Variants in SLC5A4 observed in about 807,000 individuals in gnomAD.
SLC5A4 encodes solute carrier family 5 member 4, also known as probable glucose sensor protein SLC5A4.
A neutral mutation model predicts 70.3 loss-of-function variants in SLC5A4; 55 were observed. That is an observed-to-expected ratio of 0.78 (90% confidence interval 0.63 to 0.98). The LOEUF is 0.98. SLC5A4 is among the 50% of genes least tolerant of loss of function. The probability of loss-of-function intolerance (pLI) is 0.00; values close to 1 mark genes in which losing one functional copy is unlikely to be tolerated. For synonymous variants in SLC5A4, 268 were observed against 305.7 expected (o/e 0.88, Z 1.29); for missense variants, 735 against 839.2 (o/e 0.88, Z 1.53).
chr22:32,331,006 T>G, the SLC5A4 span, among the ~76,000 whole-genome samples: 6 of 24,722 alleles, frequency 2.4e-4, no homozygotes, highest in African/African-American at 3.2e-4. Flanking sequence ...GTGTGTGTGT[T>G]GGGGGCTCTG....
chr22:32,335,498 C>A, the SLC5A4 span, among the ~76,000 whole-genome samples: 1 of 152,144 alleles, frequency 6.6e-6, no homozygotes, highest in African/African-American at 2.4e-5. Context: ...TTCCTATGAG[C>A]GGAGTACGGA....
chr22:32,235,050 G>A lies in SLC5A4; in HGVS notation c.708C>T (p.Tyr236=), dbSNP rs767243209. The A allele has an allele frequency of 9.9e-6, 16 of 1,613,668 alleles. No individual in the cohort carries two copies. The highest frequency in any genetic ancestry group is 1.3e-5 in the African/African-American group (1 of 74,776). The part of the protein sequence containing the change: ...VGGYESFTEK[Y]VNATPSVVEG... ...CGACTACGGATGGGGTGGCATTCACGTACTTCTCGGTAAAGCTCTCATAAC... is the reference window on the plus strand; with the variant it reads ...CGACTACGGATGGGGTGGCATTCACATACTTCTCGGTAAAGCTCTCATAAC... The change falls in exon 8 of 15, where the codon TAC becomes TAT. Residue 236 remains tyrosine, a synonymous_variant. Transcript: ENST00000266086.
At chr22:32,233,142 A>G (rs1012333663) in intron 8 of SLC5A4, 108 bp from the exon 9 acceptor site, 8 of 1,180,498 alleles carry the variant, frequency 6.8e-6, no homozygotes, top group Non-Finnish European at 9.5e-6. Flanking sequence ...AATGTGGACC[A>G]GTATACCAAA....
chr22:32,271,592 C>CACT, the SLC5A4 span: 1 of 684,214 alleles, frequency 1.5e-6, no homozygotes, highest in Middle Eastern at 2.6e-4. Context: ...GGCGTGTTTC[C>CACT]ACTACTTCGA....
In SLC5A4 at chr22:32,220,174, A is replaced by G. The variant is rs116408757; in HGVS notation, c.1768+746T>C. ...GGGCTAATTTCTGATTCATGCTATG[A>G]TAACTCTATGATCTGAATACCAAAA... On this transcript the variant is annotated intron_variant, in intron 14 of 14. Coordinates refer to ENST00000266086, the MANE Select transcript of SLC5A4 (RefSeq NM_014227.3). Among the ~76,000 whole-genome samples the G allele has an allele frequency of 3.9e-3, 593 of 152,286 alleles. 3 individuals carry two copies. The highest frequency in any genetic ancestry group is 0.014 in the African/African-American group (562 of 41,554).
At chr22:32,263,243 A>G in the SLC5A4 span, among the ~76,000 whole-genome samples, 1 of 151,690 alleles carries the variant, frequency 6.6e-6, no homozygotes, top group Non-Finnish European at 1.5e-5. Flanking sequence ...ACTGGGTTCA[A>G]GTGATTCAGC....
the SLC5A4 span, among the ~76,000 whole-genome samples, chr22:32,298,857 C>T: frequency 9.1e-6 from 1 of 110,210 alleles, no homozygotes; most frequent in African/African-American, 3.5e-5. Flanking sequence ...CTGGTGGTGA[C>T]AAAATCTCTC....
At chr22:32,322,359 G>A in the SLC5A4 span, among the ~76,000 whole-genome samples, 3 of 152,322 alleles carry the variant, frequency 2.0e-5, no homozygotes, top group African/African-American at 7.2e-5. Context: ...GGAGGCTGAG[G>A]TGGGTGGATC....
chr22:32,351,843 G>GA, the SLC5A4 span, among the ~76,000 whole-genome samples: 2 of 150,660 alleles, frequency 1.3e-5, no homozygotes, highest in Admixed American at 1.3e-4. Flanking sequence ...TTGTGATAAA[G>GA]AAAACAAAGG....
Position 32,234,861 on chromosome 22 carries a change from C to T in SLC5A4, c.885+12G>A. On this transcript the variant is annotated intron_variant, in intron 8 of 14. Transcript: ENST00000266086. ...AGACAGACAGACAGACACACATATA[C>T]ATATACTTCACCTGATTTGTGCACC... 1 of 1,572,610 alleles carries T rather than the reference C, an allele frequency of 6.4e-7. No homozygotes were observed. Among genetic ancestry groups the T allele is most frequent in the Non-Finnish European group, 8.7e-7 (1 of 1,144,156 alleles).
the SLC5A4 span, chr22:32,285,135 G>A: frequency 1.3e-5 from 2 of 152,108 alleles, no homozygotes; most frequent in Admixed American, 6.5e-5. Context: ...AAAAGTAGAT[G>A]TGTGTGTATA....
At chr22:32,277,023 T>C in the SLC5A4 span, 1 of 152,236 alleles carries the variant, frequency 6.6e-6, no homozygotes, top group Non-Finnish European at 1.5e-5. Flanking sequence ...TTATTCCCAA[T>C]GTAAGTGACA....
chr22:32,239,190 G>T, intron 5 of SLC5A4, 100 bp from the exon 6 acceptor site: 1 of 836,360 alleles, frequency 1.2e-6, no homozygotes, highest in Non-Finnish European at 2.0e-6. Context: ...TTTTCTGATA[G>T]ACTCCTACTT....
Position 32,224,400 on chromosome 22 carries a change from C to A in SLC5A4, c.1532G>T (p.Cys511Phe), listed in dbSNP as rs370978314. The A allele has an allele frequency of 6.2e-7, 1 of 1,613,650 alleles. No homozygotes were observed. The highest frequency in any genetic ancestry group is 1.3e-5 in the African/African-American group (1 of 75,038). Reference protein sequence around the residue: ...ITEFAYGTGSCLAPSNCPKII... With the variant: ...ITEFAYGTGSFLAPSNCPKII... Reference sequence around the variant, plus strand: ...CTTGGGACAGTTACTGGGAGCCAAGCAACTCCCTGTTCCATAAGCAAACTC... The same window carrying A: ...CTTGGGACAGTTACTGGGAGCCAAGAAACTCCCTGTTCCATAAGCAAACTC... The change falls in exon 13 of 15, where the codon TGC becomes TTC. Residue 511 changes from cysteine to phenylalanine, a missense_variant. Coordinates refer to ENST00000266086, the MANE Select transcript of SLC5A4 (RefSeq NM_014227.3).
At chr22:32,242,580 G>A (rs200323118) in intron 5 of SLC5A4, among the ~76,000 whole-genome samples, 7 of 152,186 alleles carry the variant, frequency 4.6e-5, no homozygotes, top group South Asian at 2.1e-4. Context: ...ATGGTGGCGC[G>A]TGCCTGTAGT....
chr22:32,300,731 ATAGT>A, the SLC5A4 span, among the ~76,000 whole-genome samples: 3 of 152,156 alleles, frequency 2.0e-5, no homozygotes, highest in Admixed American at 6.5e-5. Context: ...GCATGTATCA[ATAGT>A]TACTTTTTAT....
At chr22:32,272,276 G>A in the SLC5A4 span, 1 of 805,790 alleles carries the variant, frequency 1.2e-6, no homozygotes, top group Non-Finnish European at 2.2e-6. Flanking sequence ...CCAAGAACAA[G>A]TTCAGAGTCC....
chr22:32,351,575 G>A, the SLC5A4 span, among the ~76,000 whole-genome samples: 10,090 of 150,442 alleles, frequency 0.067, 796 homozygotes, highest in East Asian at 0.46. Context: ...AGCAGTATTC[G>A]CTTGTAATCC....
chr22:32,329,498 C>A, the SLC5A4 span, among the ~76,000 whole-genome samples: 1 of 122,322 alleles, frequency 8.2e-6, no homozygotes, highest in Non-Finnish European at 1.7e-5. Flanking sequence ...GGGGAGGGGA[C>A]GAGGCAGTGG....
Sources: gnomAD v4.1 joint callset for allele counts (sites outside exome capture counted in the v4.1 genomes callset) on GRCh38, gnomAD v4.1.1 for gene constraint, MANE v1.5 for transcripts, NCBI Gene and HGNC (gene_info 2026-07-23, HGNC 2026-07-21) for gene names.